Variants in LPP observed in about 807,000 individuals in gnomAD.
LPP encodes the protein lipoma-preferred partner.
A neutral mutation model predicts 60.4 loss-of-function variants in LPP; 38 were observed. The observed-to-expected ratio is 0.63, with a 90% CI of 0.49 to 0.83. The LOEUF is 0.83. LPP is among the 40% of genes least tolerant of loss of function. The pLI, the probability that LPP is intolerant of heterozygous loss-of-function variation, is 0.00. For missense variants in LPP, 902 were observed against 783.6 expected (o/e 1.15, Z -1.80); for synonymous variants, 328 against 290.8 (o/e 1.13, Z -1.30).
chr3:188,319,649 T>A (rs930252561), intron 2 of LPP, among the ~76,000 whole-genome samples: 2 of 152,240 alleles, frequency 1.3e-5, no homozygotes, highest in South Asian at 2.1e-4. Flanking sequence ...CAATAATGTT[T>A]GTCTGTTGAA....
chr3:188,371,641 A>ATTTTTT lies in LPP; in HGVS notation c.-10+29947_-10+29952dup, dbSNP rs1158606459. ...AATATATATATATATATATATATAT[A>ATTTTTT]TTTTTTTTTTTTTTTTTTTTTTTTT... On this transcript the variant is annotated intron_variant, in intron 3 of 11. Transcript: ENST00000617246. Among the ~76,000 whole-genome samples, 10 of 32,172 alleles carry ATTTTTT rather than the reference A, an allele frequency of 3.1e-4. 1 individual carries two copies. Among genetic ancestry groups the ATTTTTT allele is most frequent in the Admixed American group, 6.4e-4 (1 of 1,554 alleles). 21.1% of individuals were successfully genotyped at this position (32,172 alleles called of 152,430 possible).
At chr3:188,331,878 A>G (rs1760173954) in intron 2 of LPP, among the ~76,000 whole-genome samples, 1 of 152,220 alleles carries the variant, frequency 6.6e-6, no homozygotes, top group Admixed American at 6.5e-5. Context: ...CCCAAGATGC[A>G]AAATGAATAT....
chr3:188,872,742 T>G lies in LPP; in HGVS notation c.1689T>G (p.His563Gln). ...TTGTGGCTTTGGATCGAGATTTCCA[T>G]GTTCACTGCTACCGATGCGAGGTCT... ...VRIVALDRDF[H>Q]VHCYRCEDCG... The change falls in exon 11 of 12, where the codon CAT becomes CAG. Residue 563 changes from histidine to glutamine, a missense_variant. Transcript: ENST00000617246. 1 of 1,614,154 alleles carries G rather than the reference T, an allele frequency of 6.2e-7. No individual in the cohort carries two copies. The highest frequency in any genetic ancestry group is 8.5e-7 in the Non-Finnish European group (1 of 1,180,022).
rs190099623 is a variant in LPP at position 188,289,450 on chromosome 3, T to A, written c.-66-52213T>A. ...GACTAAATATTGAGCACTTATGTGA[T>A]GTTCACTCTTGTATTTTACATACAT... is the stretch of plus-strand genomic sequence containing the variant. On this transcript the variant is annotated intron_variant, in intron 2 of 11. Coordinates refer to ENST00000617246, the MANE Select transcript of LPP (RefSeq NM_001375462.1). Among the ~76,000 whole-genome samples the A allele has an allele frequency of 2.6e-5, 4 of 152,360 alleles. No homozygotes were observed. The East Asian group carries it at 7.7e-4, about 29-fold the overall frequency.
chr3:188,237,098 G>A (rs933378056), intron 2 of LPP, among the ~76,000 whole-genome samples: 3 of 151,866 alleles, frequency 2.0e-5, no homozygotes, highest in African/African-American at 7.3e-5. Context: ...GTCATTCAAC[G>A]ATGCTCACAG....
intron 1 of LPP, among the ~76,000 whole-genome samples, chr3:188,158,677 G>A (rs1391631698): frequency 6.6e-6 from 1 of 152,132 alleles, no homozygotes. Flanking sequence ...ATTCATTAAA[G>A]TAGGTTTTTT....
intron 3 of LPP, among the ~76,000 whole-genome samples, chr3:188,361,651 C>T (rs1248602483): frequency 6.6e-6 from 1 of 151,378 alleles, no homozygotes; most frequent in East Asian, 2.0e-4. Context: ...ACTGCAACCT[C>T]CACCTCCCGG....
chr3:188,434,683 G>C (rs1219427525), intron 4 of LPP, among the ~76,000 whole-genome samples: 1 of 152,210 alleles, frequency 6.6e-6, no homozygotes, highest in Non-Finnish European at 1.5e-5. Context: ...CTTCAGTTTA[G>C]AAAAGTGCCA....
At chr3:188,364,275 A>G (rs1770447999) in intron 3 of LPP, among the ~76,000 whole-genome samples, 2 of 152,220 alleles carry the variant, frequency 1.3e-5, no homozygotes, top group African/African-American at 4.8e-5. Context: ...CATACCTGAC[A>G]CAGACTTGCT....
At chr3:188,242,197 A>G (rs557908599) in intron 2 of LPP, among the ~76,000 whole-genome samples, 12 of 152,280 alleles carry the variant, frequency 7.9e-5, no homozygotes, top group Middle Eastern at 3.4e-3. Context: ...CAGCCTTAAC[A>G]TGGGTTATTT....
At chr3:188,452,886 TTTCTCG>T (rs762713010) in intron 4 of LPP, among the ~76,000 whole-genome samples, 18 of 152,320 alleles carry the variant, frequency 1.2e-4, no homozygotes, top group Non-Finnish European at 2.1e-4. Flanking sequence ...TTTATATCTC[TTTCTCG>T]TACTATTTTG....
At chr3:188,577,288 C>G (rs796377219) in intron 6 of LPP, among the ~76,000 whole-genome samples, 10 of 152,246 alleles carry the variant, frequency 6.6e-5, no homozygotes, top group African/African-American at 2.4e-4. Context: ...ATCTAATTTT[C>G]TCTTATGTGA....
chr3:188,322,429 G>A (rs1170425034), intron 2 of LPP, among the ~76,000 whole-genome samples: 1 of 152,132 alleles, frequency 6.6e-6, no homozygotes, highest in Non-Finnish European at 1.5e-5. Context: ...AAATTCAAGA[G>A]TCTCCATGAT....
chr3:188,268,863 A>C (rs974114303), intron 2 of LPP, among the ~76,000 whole-genome samples: 1 of 152,216 alleles, frequency 6.6e-6, no homozygotes, highest in Admixed American at 6.5e-5. Flanking sequence ...CTAGGTAGAT[A>C]CTTTTTACAG....
At chr3:188,371,648 T>TAC (rs1773247058) in intron 3 of LPP, among the ~76,000 whole-genome samples, 1 of 51,838 alleles carries the variant, frequency 1.9e-5, no homozygotes, top group African/African-American at 7.1e-5. Context: ...TATATTTTTT[T>TAC]TTTTTTTTTT....
intron 5 of LPP, among the ~76,000 whole-genome samples, chr3:188,495,082 A>ATATATTTTTTTTT (rs1342207321): frequency 1.0e-5 from 1 of 97,270 alleles, no homozygotes; most frequent in African/African-American, 4.0e-5. Flanking sequence ...ATATATATAT[A>ATATATTTTTTTTT]TTTTATTTAT....
chr3:188,789,992 A>G (rs12495383), intron 9 of LPP, among the ~76,000 whole-genome samples: 43,528 of 152,048 alleles, frequency 0.29, 7,613 homozygotes, highest in East Asian at 0.78. Flanking sequence ...TTTTCGAAAC[A>G]AAATTTAGCA....
chr3:188,647,586 A>G (rs1851349566), intron 7 of LPP, among the ~76,000 whole-genome samples: 1 of 152,138 alleles, frequency 6.6e-6, no homozygotes, highest in Non-Finnish European at 1.5e-5. Context: ...TCAAGAGACA[A>G]TAAAGGAGGT....
rs148192016 is a variant in LPP, at chr3:188,533,176, G to A, written c.429+8389G>A. ...TGCAGTGTAATCAGGGTGGAGTCTT[G>A]TGGTGCCCTGGATCTTCCCTTCTCA... On this transcript the variant is annotated intron_variant, in intron 6 of 11. Coordinates refer to ENST00000617246, the MANE Select transcript of LPP (RefSeq NM_001375462.1). 1.2e-4 allele frequency among the ~76,000 whole-genome samples: 19 copies of A among 152,320 alleles called. No individual in the cohort carries two copies. In the East Asian group the frequency reaches 3.7e-3, roughly 29 times the overall value.
Sources: gnomAD v4.1 joint callset for allele counts (sites outside exome capture counted in the v4.1 genomes callset) on GRCh38, gnomAD v4.1.1 for gene constraint, MANE v1.5 for transcripts, NCBI Gene and HGNC (gene_info 2026-07-23, HGNC 2026-07-21) for gene names.